Variants in PCDH15 observed in about 807,000 individuals in gnomAD.
PCDH15 encodes protocadherin-15.
PCDH15 carries 129 observed loss-of-function variants against 178.5 expected under a neutral mutation model. That is an observed-to-expected ratio of 0.72 (90% CI 0.63 to 0.84). The LOEUF (loss-of-function observed/expected upper bound fraction) is 0.84, where lower values mean the gene tolerates loss of function less well. PCDH15 is among the 40% of genes least tolerant of loss of function. The pLI is 0.00. For missense variants in PCDH15, 2,230 were observed against 2,099.9 expected (o/e 1.06, Z -1.21); for synonymous variants, 800 against 732.0 (o/e 1.09, Z -1.50).
chr10:55,355,553 C>T (rs1296123245), intron 2 of PCDH15, among the ~76,000 whole-genome samples: 1 of 151,666 alleles, frequency 6.6e-6, no homozygotes, highest in Non-Finnish European at 1.5e-5. Flanking sequence ...GTTAAGTGTC[C>T]CAGGTCTTTT....
chr10:55,222,766 T>C (rs1840922741), intron 1 of PCDH15, among the ~76,000 whole-genome samples: 2 of 92,022 alleles, frequency 2.2e-5, no homozygotes, highest in South Asian at 3.6e-4. Context: ...TATATATATA[T>C]ATGTAGTTCC....
chr10:55,010,433 A>T (rs1429091859), intron 2 of PCDH15, among the ~76,000 whole-genome samples: 1 of 152,150 alleles, frequency 6.6e-6, no homozygotes, highest in Non-Finnish European at 1.5e-5. Context: ...AGATAAATTC[A>T]TTTAGAATAA....
At chr10:55,371,151 A>C (rs1480526773) in intron 2 of PCDH15, among the ~76,000 whole-genome samples, 4 of 152,134 alleles carry the variant, frequency 2.6e-5, no homozygotes, top group Non-Finnish European at 2.9e-5. Flanking sequence ...TAAAGATAGG[A>C]TAGAGATACG....
intron 1 of PCDH15, among the ~76,000 whole-genome samples, chr10:54,725,265 T>C (rs1942311714): frequency 6.6e-6 from 1 of 150,984 alleles, no homozygotes; most frequent in Admixed American, 6.6e-5. Context: ...TCACAGACAC[T>C]AAAAACCTTA....
At chr10:54,339,989 A>G (rs1242198348) in intron 6 of PCDH15, among the ~76,000 whole-genome samples, 1 of 152,242 alleles carries the variant, frequency 6.6e-6, no homozygotes, top group East Asian at 1.9e-4. Flanking sequence ...TCTCTCTCCA[A>G]CTGCAAGACC....
chr10:54,430,112 A>C (rs1004216531), intron 3 of PCDH15, among the ~76,000 whole-genome samples: 7 of 143,180 alleles, frequency 4.9e-5, no homozygotes, highest in African/African-American at 1.6e-4. Context: ...CTGGAGTGCA[A>C]CTGTGTGATC....
At chr10:54,677,071 C>T (rs1021382230) in intron 1 of PCDH15, among the ~76,000 whole-genome samples, 7 of 152,104 alleles carry the variant, frequency 4.6e-5, no homozygotes, top group African/African-American at 1.7e-4. Context: ...ACTCATCATG[C>T]ATTTCAAAAG....
intron 3 of PCDH15, among the ~76,000 whole-genome samples, chr10:54,883,498 A>G (rs4935565): frequency 0.75 from 113,246 of 151,804 alleles, 42,620 homozygotes; most frequent in East Asian, 0.89. Flanking sequence ...AAAGAGATAA[A>G]TAATATCTCC....
intron 3 of PCDH15, among the ~76,000 whole-genome samples, chr10:54,880,605 G>GT (rs1441114787): frequency 6.6e-6 from 1 of 150,642 alleles, no homozygotes; most frequent in Non-Finnish European, 1.5e-5. Flanking sequence ...TTTCACTAAG[G>GT]TTAAAAAAAA....
At chr10:54,512,496 A>T (rs981625173) in intron 3 of PCDH15, among the ~76,000 whole-genome samples, 2 of 151,472 alleles carry the variant, frequency 1.3e-5, no homozygotes, top group African/African-American at 4.9e-5. Flanking sequence ...TTTCATTTTA[A>T]TTTTTTAATG....
intron 29 of PCDH15, among the ~76,000 whole-genome samples, chr10:53,832,055 AT>A (rs1165845140): frequency 1.3e-5 from 2 of 151,896 alleles, no homozygotes; most frequent in African/African-American, 4.9e-5. Context: ...TTTGTTTGCC[AT>A]AACACCATCT....
At chr10:54,217,836 AT>A (rs1209856477) in intron 9 of PCDH15, among the ~76,000 whole-genome samples, 1 of 152,232 alleles carries the variant, frequency 6.6e-6, no homozygotes, top group Non-Finnish European at 1.5e-5. Context: ...GCTGTGAAAC[AT>A]CTGCTCACAC....
chr10:54,726,924 C>T (rs1411878038), intron 1 of PCDH15, among the ~76,000 whole-genome samples: 1 of 150,684 alleles, frequency 6.6e-6, no homozygotes, highest in Non-Finnish European at 1.5e-5. Flanking sequence ...TGAGACCAAA[C>T]CTGAAATTAA....
chr10:54,222,096 A>G (rs1251788469), intron 9 of PCDH15, among the ~76,000 whole-genome samples: 1 of 152,232 alleles, frequency 6.6e-6, no homozygotes, highest in East Asian at 1.9e-4. Flanking sequence ...CCAGCCACAA[A>G]TAAAGATGCT....
At chr10:54,163,427 G>C (rs1453072324) in intron 13 of PCDH15, among the ~76,000 whole-genome samples, 1 of 151,940 alleles carries the variant, frequency 6.6e-6, no homozygotes, top group African/African-American at 2.4e-5. Context: ...GAGAGCGAGA[G>C]GAGAAGTGCC....
intron 2 of PCDH15, among the ~76,000 whole-genome samples, chr10:55,338,663 G>T (rs1455101428): frequency 6.6e-6 from 1 of 152,112 alleles, no homozygotes; most frequent in African/African-American, 2.4e-5. Context: ...TGCCACTTGG[G>T]ATGCTGAAGC....
chr10:53,932,210 T>G (rs1322287305), intron 25 of PCDH15, among the ~76,000 whole-genome samples: 1 of 152,198 alleles, frequency 6.6e-6, no homozygotes, highest in Non-Finnish European at 1.5e-5. Flanking sequence ...ATGTCCAGTT[T>G]TTGCCTTTTG....
chr10:54,063,279 A>T (rs1028115832), intron 18 of PCDH15, among the ~76,000 whole-genome samples: 1 of 152,156 alleles, frequency 6.6e-6, no homozygotes, highest in African/African-American at 2.4e-5. Context: ...CATTGTAACT[A>T]TGCTATGTCA....
intron 3 of PCDH15, among the ~76,000 whole-genome samples, chr10:54,398,484 A>G (rs1224258685): frequency 6.6e-6 from 1 of 152,006 alleles, no homozygotes; most frequent in Non-Finnish European, 1.5e-5. Flanking sequence ...TAGCTAATAA[A>G]TTAGAGTTTG....
Sources: gnomAD v4.1 joint callset for allele counts (sites outside exome capture counted in the v4.1 genomes callset) on GRCh38, gnomAD v4.1.1 for gene constraint, MANE v1.5 for transcripts, NCBI Gene and HGNC (gene_info 2026-07-23, HGNC 2026-07-21) for gene names.